PDE4D: variants seen among roughly 807,000 people sequenced by gnomAD.
PDE4D encodes the protein 3',5'-cyclic-AMP phosphodiesterase 4D.
PDE4D carries 24 observed loss-of-function variants against 87.4 expected under a neutral mutation model. The observed-to-expected ratio is 0.27, with a 90% CI of 0.20 to 0.39. PDE4D has a LOEUF of 0.39. Among genes scored for constraint, PDE4D ranks in the 10% least tolerant of loss-of-function variants. The pLI, the probability that PDE4D is intolerant of heterozygous loss-of-function variation, is 1.00. For synonymous variants in PDE4D, 384 were observed against 383.2 expected, an observed-to-expected ratio of 1.00 and a Z score of -0.02; for missense variants, 714 against 1,041.0, an observed-to-expected ratio of 0.69 and a Z score of 4.32.
At chr5:59,281,685 G>T (rs942685859) in intron 1 of PDE4D, among the ~76,000 whole-genome samples, 1 of 151,816 alleles carries the variant, frequency 6.6e-6, no homozygotes, top group African/African-American at 2.4e-5. Flanking sequence ...CTTCCAAATC[G>T]ACAACCCTGT....
intron 5 of PDE4D, among the ~76,000 whole-genome samples, chr5:59,162,258 C>T (rs547931918): frequency 4.6e-5 from 7 of 152,296 alleles, no homozygotes; most frequent in South Asian, 2.1e-4. Context: ...GAAAACTGTA[C>T]GGTTTCTGCA....
At chr5:60,439,288 T>C (rs1427468454) in intron 1 of PDE4D, among the ~76,000 whole-genome samples, 2 of 152,106 alleles carry the variant, frequency 1.3e-5, no homozygotes, top group Non-Finnish European at 2.9e-5. Flanking sequence ...TTGATACAAA[T>C]GGACTGTGGA....
intron 1 of PDE4D, among the ~76,000 whole-genome samples, chr5:59,743,675 C>A (rs893432290): frequency 2.6e-5 from 4 of 152,008 alleles, no homozygotes; most frequent in Admixed American, 6.6e-5. Context: ...ATATATATCC[C>A]AAAAGAATTA....
chr5:59,772,983 T>C lies in PDE4D; in HGVS notation c.455+120185A>G, dbSNP rs74575950. ...ATAATAATGAGGATGATGATGATAG[T>C]AGCTATTGCAAAAGAATGCTACAAG... On this transcript the variant is annotated intron_variant, in intron 1 of 14. Coordinates refer to ENST00000340635, the MANE Select transcript of PDE4D (RefSeq NM_001104631.2). Among the ~76,000 whole-genome samples, 8 of 152,322 alleles carry C rather than the reference T, an allele frequency of 5.3e-5. 1 individual carries two copies. The East Asian group carries it at 1.3e-3, about 26-fold the overall frequency.
chr5:60,507,254 T>C (rs1750365510), intron 1 of PDE4D, among the ~76,000 whole-genome samples: 1 of 152,182 alleles, frequency 6.6e-6, no homozygotes, highest in Admixed American at 6.5e-5. Context: ...TTTGTATTTT[T>C]AGTAGAGACA....
chr5:59,016,014 A>C (rs996467840), intron 6 of PDE4D, among the ~76,000 whole-genome samples: 3 of 152,156 alleles, frequency 2.0e-5, no homozygotes, highest in African/African-American at 7.2e-5. Flanking sequence ...ATTCTGAGCA[A>C]ACTGTTGCAA....
At chr5:59,923,404 G>A (rs1158166326) in intron 3 of PDE4D, among the ~76,000 whole-genome samples, 1 of 152,204 alleles carries the variant, frequency 6.6e-6, no homozygotes, top group Admixed American at 6.5e-5. Context: ...CCTTGAGAGA[G>A]ATCCAATGCT....
chr5:59,558,373 T>C (rs750444992), intron 1 of PDE4D, among the ~76,000 whole-genome samples: 39 of 152,132 alleles, frequency 2.6e-4, no homozygotes, highest in Admixed American at 7.2e-4. Context: ...TACATTGAAG[T>C]AGCTTTGGGG....
chr5:60,518,985 C>T (rs1375176014), intron 1 of PDE4D, among the ~76,000 whole-genome samples: 1 of 152,156 alleles, frequency 6.6e-6, no homozygotes, highest in Non-Finnish European at 1.5e-5. Context: ...CAGTGAAATA[C>T]CCATTCCAGA....
chr5:59,576,615 C>G (rs7735196), intron 1 of PDE4D, among the ~76,000 whole-genome samples: 4 of 151,962 alleles, frequency 2.6e-5, no homozygotes, highest in Non-Finnish European at 4.4e-5. Context: ...AAAAAGTAGT[C>G]GAGGTGGCTA....
chr5:59,060,314 C>T (rs1194452382), intron 5 of PDE4D, among the ~76,000 whole-genome samples: 6 of 152,058 alleles, frequency 3.9e-5, no homozygotes, highest in Admixed American at 3.9e-4. Context: ...TCAGATTTTA[C>T]ATGAAGGAGA....
intron 11 of PDE4D, among the ~76,000 whole-genome samples, chr5:58,977,625 C>G (rs1411601542): frequency 6.6e-6 from 1 of 152,112 alleles, no homozygotes; most frequent in East Asian, 1.9e-4. Flanking sequence ...GATCTTTAAC[C>G]TCTCCTCTAG....
intron 1 of PDE4D, among the ~76,000 whole-genome samples, chr5:60,245,690 T>A (rs1198440899): frequency 4.6e-5 from 7 of 151,950 alleles, no homozygotes. Context: ...AGACAAACTT[T>A]GCATGTTTTC....
chr5:58,988,578 A>G lies in PDE4D; in HGVS notation c.1467T>C (p.Asp489=), dbSNP rs372771626. 6.7e-7 allele frequency: 1 copy of G among 1,488,736 alleles called. No individual in the cohort carries two copies. Among genetic ancestry groups the G allele is most frequent in the South Asian group, 1.4e-5 (1 of 73,480 alleles). The allele number at this position is 1,488,736 out of a possible 1,614,324, so 92.2% of individuals were successfully genotyped here. A position where few individuals can be genotyped will look rare whatever the true frequency, so the allele number is the denominator to read the frequency against. Residue 489 remains aspartate, a synonymous_variant, in exon 11 of 15, where the codon GAT becomes GAC. Coordinates refer to ENST00000340635, the MANE Select transcript of PDE4D (RefSeq NM_001104631.2). ...STPALEAVFT[D]LEILAAIFAS... ...CAAAAATTGCTGCAAGAATCTCCAAATCTGTAAACACAGCCTGGAAAATCA... is the reference window on the plus strand; with the variant it reads ...CAAAAATTGCTGCAAGAATCTCCAAGTCTGTAAACACAGCCTGGAAAATCA...
intron 5 of PDE4D, among the ~76,000 whole-genome samples, chr5:59,126,797 T>A (rs1306160197): frequency 6.6e-6 from 1 of 152,208 alleles, no homozygotes; most frequent in Non-Finnish European, 1.5e-5. Flanking sequence ...AGCAAAAGAT[T>A]TTTATGGACT....
chr5:59,795,712 A>T (rs1294105697), intron 1 of PDE4D, among the ~76,000 whole-genome samples: 1 of 152,012 alleles, frequency 6.6e-6, no homozygotes, highest in Non-Finnish European at 1.5e-5. Context: ...TCCATGCACT[A>T]CCCTGGTTCA....
chr5:60,095,818 T>G (rs561704656), intron 2 of PDE4D, among the ~76,000 whole-genome samples: 1 of 152,334 alleles, frequency 6.6e-6, no homozygotes, highest in African/African-American at 2.4e-5. Flanking sequence ...ATTGTGGTTT[T>G]GATTTGCATT....
chr5:59,395,433 C>T (rs1789204686), intron 1 of PDE4D, among the ~76,000 whole-genome samples: 2 of 152,222 alleles, frequency 1.3e-5, no homozygotes, highest in East Asian at 3.8e-4. Context: ...TGACCCCTGA[C>T]CCCCGAGCAG....
Position 59,461,672 on chromosome 5 carries a change from A to C in PDE4D, c.456-245704T>G, listed in dbSNP as rs557392531. ...TGTAATTATTCTCAGTTCAGTCAAA[A>C]TGTTGTAATTGGTTTATTTGTGTAG... On this transcript the variant is annotated intron_variant, in intron 1 of 14. Coordinates refer to ENST00000340635, the MANE Select transcript of PDE4D (RefSeq NM_001104631.2). 2.6e-5 allele frequency among the ~76,000 whole-genome samples: 4 copies of C among 152,298 alleles called. No homozygotes were observed. In the South Asian group the frequency reaches 8.3e-4, roughly 32 times the overall value.
Sources: allele counts gnomAD v4.1 joint callset (sites outside exome capture counted in the v4.1 genomes callset), GRCh38; gene constraint gnomAD v4.1.1; transcripts MANE v1.5; gene names NCBI Gene and HGNC (gene_info 2026-07-23, HGNC 2026-07-21).